Variants in ADGRG6 observed in about 807,000 individuals in gnomAD.
ADGRG6 encodes the protein G-protein coupled receptor 126.
Under a neutral mutation model 142.4 loss-of-function variants are expected in ADGRG6, and 84 were observed. That is an observed-to-expected ratio of 0.59 (90% confidence interval 0.49 to 0.71). The LOEUF is 0.71. Among genes scored for constraint, ADGRG6 ranks in the 30% least tolerant of loss-of-function variants. The pLI is 0.00. For synonymous variants in ADGRG6, 521 were observed against 520.5 expected (o/e 1.00, Z -0.01); for missense variants, 1,367 against 1,466.6 (o/e 0.93, Z 1.11).
chr6:142,388,323 A>G (rs769905225), intron 6 of ADGRG6, among the ~76,000 whole-genome samples: 2 of 152,154 alleles, frequency 1.3e-5, no homozygotes, highest in Non-Finnish European at 2.9e-5. Flanking sequence ...AAAATTCAGA[A>G]ATGTCAATGA....
At chr6:142,393,195 T>C (rs1204228422) in intron 8 of ADGRG6, among the ~76,000 whole-genome samples, 195 bp downstream of exon 8, 3 of 152,158 alleles carry the variant, frequency 2.0e-5, no homozygotes, top group African/African-American at 4.8e-5. Context: ...TTAAACTGTT[T>C]TGATCATGCA....
At chr6:142,306,007 C>T (rs1208581220) in intron 1 of ADGRG6, among the ~76,000 whole-genome samples, 1 of 152,134 alleles carries the variant, frequency 6.6e-6, no homozygotes, top group Non-Finnish European at 1.5e-5. Flanking sequence ...CTGTTCTTTT[C>T]ACTCTGGAAG....
intron 7 of ADGRG6, among the ~76,000 whole-genome samples, chr6:142,391,631 A>G (rs1463204818): frequency 6.6e-6 from 1 of 151,856 alleles, no homozygotes; most frequent in Non-Finnish European, 1.5e-5. Context: ...CTCTACTGAA[A>G]TAAAAGAAAA....
intron 2 of ADGRG6, among the ~76,000 whole-genome samples, chr6:142,359,813 A>G (rs1169098653): frequency 6.6e-6 from 1 of 152,200 alleles, no homozygotes; most frequent in Non-Finnish European, 1.5e-5. Flanking sequence ...AAGTGTGAAC[A>G]GAGCTAATAA....
chr6:142,342,613 TGTA>T (rs1779710503), intron 2 of ADGRG6, among the ~76,000 whole-genome samples: 1 of 152,080 alleles, frequency 6.6e-6, no homozygotes, highest in South Asian at 2.1e-4. Flanking sequence ...GATCAAAATT[TGTA>T]AGCCACGAGG....
At chr6:142,320,850 A>G (rs1344809095) in intron 2 of ADGRG6, among the ~76,000 whole-genome samples, 1 of 152,072 alleles carries the variant, frequency 6.6e-6, no homozygotes, top group Non-Finnish European at 1.5e-5. Flanking sequence ...CTTATGTTGT[A>G]GTCATCCCTT....
chr6:142,438,157 C>T, intron 23 of ADGRG6, 55 bp from the exon 24 acceptor site: 3 of 1,132,786 alleles, frequency 2.6e-6, no homozygotes, highest in Non-Finnish European at 3.7e-6. Flanking sequence ...TTTTTCAGAG[C>T]AGTTCATATT....
chr6:142,388,377 A>G (rs1329706128), intron 6 of ADGRG6, among the ~76,000 whole-genome samples: 1 of 152,066 alleles, frequency 6.6e-6, no homozygotes, highest in East Asian at 1.9e-4. Context: ...AACAAATACT[A>G]CTGTTATAAC....
chr6:142,307,724 A>G (rs1225815935), intron 1 of ADGRG6, among the ~76,000 whole-genome samples: 2 of 152,060 alleles, frequency 1.3e-5, no homozygotes, highest in African/African-American at 2.4e-5. Flanking sequence ...CTTACTTACT[A>G]AAACATACTT....
Position 142,405,712 on chromosome 6 carries a change from G to A in ADGRG6, c.2152G>A (p.Asp718Asn). The A allele has an allele frequency of 6.2e-7, 1 of 1,607,340 alleles. No homozygotes were observed. The highest frequency in any genetic ancestry group is 8.5e-7 in the Non-Finnish European group (1 of 1,174,722). ...FQMDFESGQVDPLASVILPPN... is the reference protein window; with the variant it reads ...FQMDFESGQVNPLASVILPPN... ...GATGGATTTTGAGAGTGGACAAGTGGATCCACTGGCATCTGTAATTTTGCC... is the reference window on the plus strand; with the variant it reads ...GATGGATTTTGAGAGTGGACAAGTGAATCCACTGGCATCTGTAATTTTGCC... Residue 718 changes from aspartate to asparagine, a missense_variant, in exon 15 of 25, where the codon GAT (aspartate) becomes AAT (asparagine). This residue lies in a region of ADGRG6 where 286 missense variants were observed against 371.4 expected (regional missense o/e 0.77). Transcript: ENST00000367609.
At chr6:142,352,296 A>G (rs1340328693) in intron 2 of ADGRG6, among the ~76,000 whole-genome samples, 2 of 152,230 alleles carry the variant, frequency 1.3e-5, no homozygotes, top group Non-Finnish European at 2.9e-5. Context: ...AAAGAGAATG[A>G]AATCATTTCC....
chr6:142,388,539 T>C (rs1782145233), intron 6 of ADGRG6, among the ~76,000 whole-genome samples: 1 of 152,056 alleles, frequency 6.6e-6, no homozygotes, highest in Non-Finnish European at 1.5e-5. Flanking sequence ...AAGTCAAAAA[T>C]ACATTTAATA....
rs2115024502 is a variant in ADGRG6 at position 142,403,942 on chromosome 6, G to T, written c.2096G>T (p.Gly699Val). The T allele has an allele frequency of 6.2e-7, 1 of 1,610,532 alleles. No homozygotes were observed. The highest frequency in any genetic ancestry group is 1.7e-4 in the Middle Eastern group (1 of 6,048). Residue 699 changes from glycine to valine, a missense_variant, in exon 14 of 25, where the codon GGT (glycine) becomes GTT (valine). Gly to Val is a moderately radical substitution (Grantham distance 109). This residue lies in a region of ADGRG6 where 286 missense variants were observed against 371.4 expected (regional missense o/e 0.77). Coordinates refer to ENST00000367609, the MANE Select transcript of ADGRG6 (RefSeq NM_198569.3). The stretch of plus-strand genomic sequence containing the variant: ...AATGCAATTTCAAATTTTAGCATTG[G>T]TCTTCCAAGCAATAATGAATCGTAT... ...GTNAISNFSI[G>V]LPSNNESYFQ... is the part of the protein sequence containing the mutation.
At chr6:142,399,788 T>C (rs1775408161) in intron 10 of ADGRG6, among the ~76,000 whole-genome samples, 1 of 152,242 alleles carries the variant, frequency 6.6e-6, no homozygotes. Context: ...CTGATATAAC[T>C]CACTAATGCT....
At chr6:142,409,825 C>T (rs1210950355) in intron 16 of ADGRG6, 49 bp from the exon 17 acceptor site, 2 of 804,524 alleles carry the variant, frequency 2.5e-6, no homozygotes, top group Non-Finnish European at 4.0e-6. Context: ...ATATTTAAAT[C>T]ATGGCATTTT....
intron 2 of ADGRG6, among the ~76,000 whole-genome samples, chr6:142,352,636 T>C (rs9484628): frequency 0.014 from 2,105 of 152,250 alleles, 59 homozygotes; most frequent in African/African-American, 0.048. Flanking sequence ...TATCTTGTAA[T>C]ATTAACATAT....
intron 2 of ADGRG6, among the ~76,000 whole-genome samples, chr6:142,339,205 A>T (rs1222020474): frequency 6.6e-6 from 1 of 152,200 alleles, no homozygotes. Context: ...AGAATTCATA[A>T]TCACTTATCA....
intron 2 of ADGRG6, among the ~76,000 whole-genome samples, chr6:142,348,105 G>A (rs571872701): frequency 3.3e-5 from 5 of 152,200 alleles, no homozygotes; most frequent in African/African-American, 1.2e-4. Flanking sequence ...GGATTTTTCT[G>A]AACCCATTAG....
intron 6 of ADGRG6, among the ~76,000 whole-genome samples, chr6:142,384,384 A>G (rs1437050829): frequency 6.6e-6 from 1 of 152,092 alleles, no homozygotes; most frequent in Non-Finnish European, 1.5e-5. Context: ...CAACTAAAAC[A>G]AATCAAATTT....
Sources: allele counts gnomAD v4.1 joint callset (sites outside exome capture counted in the v4.1 genomes callset), GRCh38; gene constraint gnomAD v4.1.1; regional missense constraint gnomAD v4.1.1; transcripts MANE v1.5; gene names NCBI Gene and HGNC (gene_info 2026-07-23, HGNC 2026-07-21).